The following RHOBTB1 variants were observed in gnomAD, a reference collection of about 807,000 sequenced individuals.
The protein encoded by RHOBTB1 is rho-related BTB domain-containing protein 1.
In RHOBTB1, 40 loss-of-function variants were observed where a neutral mutation model predicts 71.6. That is an observed-to-expected ratio of 0.56 (90% CI 0.43 to 0.73). The LOEUF (loss-of-function observed/expected upper bound fraction) is 0.73, where lower values mean the gene tolerates loss of function less well. Ranked by LOEUF, RHOBTB1 falls within the 30% of genes least tolerant of loss-of-function variation. The probability of loss-of-function intolerance (pLI) is 0.00; values close to 1 mark genes in which losing one functional copy is unlikely to be tolerated. For synonymous variants in RHOBTB1, 319 were observed against 334.9 expected (o/e 0.95, Z 0.52); for missense variants, 797 against 894.0 (o/e 0.89, Z 1.38).
intron 2 of RHOBTB1, among the ~76,000 whole-genome samples, chr10:60,984,536 A>G (rs1343776174): frequency 6.6e-6 from 1 of 152,240 alleles, no homozygotes; most frequent in African/African-American, 2.4e-5. Flanking sequence ...GATTTAATTA[A>G]CTGAAAACCC....
chr10:60,934,015 A>C (rs941674113), intron 2 of RHOBTB1, among the ~76,000 whole-genome samples: 1 of 152,148 alleles, frequency 6.6e-6, no homozygotes, highest in African/African-American at 2.4e-5. Context: ...ATTCATTTTA[A>C]TTTTTTTCAT....
chr10:60,899,835 T>C (rs1033223008), intron 4 of RHOBTB1, among the ~76,000 whole-genome samples: 11 of 152,070 alleles, frequency 7.2e-5, no homozygotes, highest in African/African-American at 2.7e-4. Context: ...TAGTGCTAAG[T>C]GCCAATTAGA....
chr10:60,993,108 A>T (rs1408199509), intron 1 of RHOBTB1, among the ~76,000 whole-genome samples: 1 of 152,058 alleles, frequency 6.6e-6, no homozygotes, highest in Non-Finnish European at 1.5e-5. Context: ...GATGGAGGGG[A>T]CGTGTCTCTC....
chr10:60,978,256 T>C (rs185710893), intron 2 of RHOBTB1, among the ~76,000 whole-genome samples: 65 of 152,260 alleles, frequency 4.3e-4, no homozygotes, highest in African/African-American at 1.5e-3. Flanking sequence ...TTATTGGCCA[T>C]GTTAAAACAA....
At chr10:60,872,090 C>A (rs922818992) in intron 10 of RHOBTB1, 95 bp downstream of exon 10, 2 of 907,690 alleles carry the variant, frequency 2.2e-6, no homozygotes, top group African/African-American at 3.3e-5. Context: ...CCATGAGCTG[C>A]CTGCTGACCA....
the RHOBTB1 span, among the ~76,000 whole-genome samples, chr10:60,861,960 T>C: frequency 6.6e-6 from 1 of 152,174 alleles, no homozygotes. Flanking sequence ...GCAGGGTTGC[T>C]TAGAATTTGG....
intron 4 of RHOBTB1, among the ~76,000 whole-genome samples, chr10:60,902,707 G>C (rs2082469353): frequency 6.6e-6 from 1 of 152,192 alleles, no homozygotes; most frequent in African/African-American, 2.4e-5. Flanking sequence ...CTAAGCACCA[G>C]TATTTTCCAT....
intron 4 of RHOBTB1, among the ~76,000 whole-genome samples, chr10:60,895,955 G>A (rs1260974489): frequency 2.6e-5 from 4 of 152,160 alleles, no homozygotes; most frequent in Non-Finnish European, 5.9e-5. Context: ...ACATTCTTTT[G>A]TAACTCCTAA....
At chr10:60,878,349 G>T (rs1034887748) in intron 7 of RHOBTB1, among the ~76,000 whole-genome samples, 1 of 152,110 alleles carries the variant, frequency 6.6e-6, no homozygotes, top group African/African-American at 2.4e-5. Flanking sequence ...ATGACATTAG[G>T]GGCCCTCATG....
At chr10:60,917,730 G>C (rs937369757) in intron 2 of RHOBTB1, among the ~76,000 whole-genome samples, 1 of 151,960 alleles carries the variant, frequency 6.6e-6, no homozygotes, top group Admixed American at 6.6e-5. Context: ...ATATGAATTG[G>C]GGGAGGGGGC....
chr10:60,869,012 A>G (rs1189390204), downstream of RHOBTB1, among the ~76,000 whole-genome samples: 1 of 152,242 alleles, frequency 6.6e-6, no homozygotes, highest in Non-Finnish European at 1.5e-5. Context: ...CTAGAAGTCC[A>G]GAAATTGTCC....
At chr10:60,919,016 G>T (rs1430471692) in intron 2 of RHOBTB1, among the ~76,000 whole-genome samples, 1 of 152,102 alleles carries the variant, frequency 6.6e-6, no homozygotes, top group Non-Finnish European at 1.5e-5. Context: ...AAAGTGCTGC[G>T]ATTACAGGCA....
intron 4 of RHOBTB1, among the ~76,000 whole-genome samples, chr10:60,895,438 C>T (rs1405713911): frequency 6.6e-6 from 1 of 152,070 alleles, no homozygotes; most frequent in Non-Finnish European, 1.5e-5. Context: ...GAGTTTTGCT[C>T]TTGTTGCCCA....
At position 60,898,172 on chromosome 10, in the gene RHOBTB1, T is replaced by C. The variant is rs994977287; in HGVS notation, c.297-5177A>G. Among the ~76,000 whole-genome samples the C allele has an allele frequency of 3.9e-5, 6 of 152,138 alleles. No homozygotes were observed. In the South Asian group the frequency reaches 1.2e-3, roughly 31 times the overall value. On this transcript the variant is annotated intron_variant, in intron 4 of 10. Transcript: ENST00000337910. ...CCCATATCCAGTATATGGACAGACATTGTGGTCACATTTTAATGGGCTTCT... is the reference window on the plus strand; with the variant it reads ...CCCATATCCAGTATATGGACAGACACTGTGGTCACATTTTAATGGGCTTCT...
intron 1 of RHOBTB1, among the ~76,000 whole-genome samples, chr10:60,986,432 A>ATATAT (rs66585379): frequency 6.7e-5 from 5 of 74,328 alleles, no homozygotes; most frequent in African/African-American, 9.9e-5. Context: ...TATATATATA[A>ATATAT]AATATATATA....
chr10:60,927,046 T>C (rs1290220263), intron 2 of RHOBTB1, among the ~76,000 whole-genome samples: 3 of 152,120 alleles, frequency 2.0e-5, no homozygotes, highest in South Asian at 2.1e-4. Context: ...ATCAGTATAC[T>C]AAAATAAGTA....
At chr10:60,945,188 A>T (rs73266043), upstream of RHOBTB1, among the ~76,000 whole-genome samples, 1,775 of 152,318 alleles carry the variant, frequency 0.012, 37 homozygotes, top group African/African-American at 0.04. Flanking sequence ...AGCCTGCTAA[A>T]ATTAGTATGC....
the RHOBTB1 span, among the ~76,000 whole-genome samples, chr10:60,863,346 A>G: frequency 3.9e-5 from 6 of 152,104 alleles, 1 homozygote; most frequent in Admixed American, 3.3e-4. Context: ...TGATCTTTAA[A>G]TTGTTTTTTT....
chr10:60,871,751 C>T (rs912953294), intron 10 of RHOBTB1, 100 bp from the exon 11 acceptor site: 22 of 1,125,056 alleles, frequency 2.0e-5, no homozygotes, highest in Admixed American at 1.0e-4. Context: ...CTCTCAAAAA[C>T]GTGATGCGGC....
Sources: gnomAD v4.1 joint callset for allele counts (sites outside exome capture counted in the v4.1 genomes callset) on GRCh38, gnomAD v4.1.1 for gene constraint, MANE v1.5 for transcripts, NCBI Gene and HGNC (gene_info 2026-07-23, HGNC 2026-07-21) for gene names.